CHST5: variants seen among roughly 807,000 people sequenced by gnomAD.
The protein encoded by CHST5 is GST4-alpha.
For synonymous variants in CHST5, 313 were observed against 279.2 expected, an observed-to-expected ratio of 1.12 and a Z score of -1.21; for missense variants, 637 against 602.1, an observed-to-expected ratio of 1.06 and a Z score of -0.61.
Position 75,530,583 on chromosome 16 carries a change from T to C in CHST5, c.-199A>G. The C allele has an allele frequency of 7.0e-7, 1 of 1,426,220 alleles. No homozygotes were observed. 88.3% of individuals were successfully genotyped at this position (1,426,220 alleles called of 1,614,324 possible). On this transcript the variant is annotated 5_prime_UTR_variant, in exon 4 of 4. Coordinates refer to ENST00000336257, the MANE Select transcript of CHST5 (RefSeq NM_024533.5). ...AATAATGTGGGATATCATCAAACTG[T>C]CTACCTACCCACCCACCCACCTACT...
In CHST5 at chr16:75,529,975, C is replaced by G; in HGVS notation, c.410G>C (p.Arg137Pro). The G allele has an allele frequency of 1.9e-6, 3 of 1,613,286 alleles. No individual in the cohort carries two copies. The highest frequency in any genetic ancestry group is 1.6e-4 in the Middle Eastern group (1 of 6,062). ...DVFDAYMPQS[R>P]NLSAFFNWAT... ...CCAGTTGAAAAAGGCGGACAGGTTT[C>G]GGCTCTGTGGCATGTAGGCATCAAA... Residue 137 changes from arginine to proline, a missense_variant, in exon 4 of 4, where the codon CGA becomes CCA. Physicochemically the swap from Arg to Pro is moderately radical, Grantham distance 103 (BLOSUM62 -2). Transcript: ENST00000336257.
At position 75,529,878 on chromosome 16, in the gene CHST5, G is replaced by T. The variant is rs1260176244; in HGVS notation, c.507C>A (p.Asp169Glu). 2.5e-6 allele frequency: 4 copies of T among 1,613,406 alleles called. No individual in the cohort carries two copies. The highest frequency in any genetic ancestry group is 2.5e-6 in the Non-Finnish European group (3 of 1,179,940). ...AFPRGTISKQDVCKTLCTRQP... is the reference protein window; with the variant it reads ...AFPRGTISKQEVCKTLCTRQP... ...GCCGCGTGCACAGTGTCTTGCATAC[G>T]TCCTGCTTGCTGATGGTGCCTCGGG... Residue 169 changes from aspartate (D) to glutamate (E), a missense_variant, in exon 4 of 4, where the codon GAC (aspartate) becomes GAA (glutamate). Asp to Glu is a conservative substitution (Grantham distance 45). Transcript: ENST00000336257.
In CHST5 at chr16:75,531,380, T is replaced by C; in HGVS notation, c.-996A>G. On this transcript the variant is annotated 5_prime_UTR_variant, in exon 4 of 4. Transcript: ENST00000336257. The stretch of plus-strand genomic sequence containing the variant: ...TTGTCATTAAAGATAAACAAGTAAA[T>C]AAAGTGGACAAAGAACAGCAACTGT... 9.9e-7 allele frequency: 1 copy of C among 1,011,072 alleles called. No homozygotes were observed. Among genetic ancestry groups the C allele is most frequent in the Non-Finnish European group, 1.2e-6 (1 of 836,530 alleles). The allele number at this position is 1,011,072 out of a possible 1,614,324, so 62.6% of individuals were successfully genotyped here. A position where few individuals can be genotyped will look rare whatever the true frequency, so the allele number is the denominator to read the frequency against.
Position 75,530,457 on chromosome 16 carries a change from C to T in CHST5, c.-73G>A, listed in dbSNP as rs2080509222. ...TTCGGCTACCCTACCCATTGGACTTCCCAAGACTCCCAAGGTCTCAGTCGA... is the reference window on the plus strand; with the variant it reads ...TTCGGCTACCCTACCCATTGGACTTTCCAAGACTCCCAAGGTCTCAGTCGA... On this transcript the variant is annotated 5_prime_UTR_variant, in exon 4 of 4. Transcript: ENST00000336257. 6.9e-7 allele frequency: 1 copy of T among 1,457,174 alleles called. No individual in the cohort carries two copies. The highest frequency in any genetic ancestry group is 9.1e-7 in the Non-Finnish European group (1 of 1,103,248). The allele number at this position is 1,457,174 out of a possible 1,614,324, so 90.3% of individuals were successfully genotyped here.
Position 75,531,189 on chromosome 16 carries a change from GT to G in CHST5, c.-806del, listed in dbSNP as rs1280721952. 3.8e-6 allele frequency: 2 copies of G among 530,284 alleles called. No individual in the cohort carries two copies. The highest frequency in any genetic ancestry group is 6.1e-5 in the Admixed American group (1 of 16,502). The allele number at this position is 530,284 out of a possible 1,614,324, so 32.8% of individuals were successfully genotyped here. A position where few individuals can be genotyped will look rare whatever the true frequency, so the allele number is the denominator to read the frequency against. ...TACAAAAAATTAGCCAGGCGTGATG[GT>G]GGGCGCCTGTAGTCCCAGCTACTCG... On this transcript the variant is annotated 5_prime_UTR_variant, in exon 4 of 4. Transcript: ENST00000336257.
Position 75,533,281 on chromosome 16 carries a change from C to A in CHST5, c.-1351-98G>T, listed in dbSNP as rs982245586. On this transcript the variant is annotated intron_variant, in intron 2 of 3. Coordinates refer to ENST00000336257, the MANE Select transcript of CHST5 (RefSeq NM_024533.5). ...CAGGCCCTGTGATATGCACTTTCAT[C>A]TTCATGATTGAATGTTATCCTCCCA... The A allele has an allele frequency of 5.7e-6, 4 of 700,114 alleles. No homozygotes were observed. The African/African-American group carries it at 7.0e-5, about 12-fold the overall frequency. 43.4% of individuals were successfully genotyped at this position (700,114 alleles called of 1,614,324 possible).
intron 2 of CHST5, among the ~76,000 whole-genome samples, chr16:75,534,799 G>A (rs2080549710): frequency 2.6e-5 from 4 of 152,194 alleles, no homozygotes; most frequent in African/African-American, 9.7e-5. Context: ...AACTCACCAA[G>A]CTATTTTTTC....
At position 75,531,038 on chromosome 16, in the gene CHST5, G is replaced by A; in HGVS notation, c.-654C>T. 4.0e-6 allele frequency: 4 copies of A among 1,001,064 alleles called. No homozygotes were observed. The highest frequency in any genetic ancestry group is 4.8e-6 in the Non-Finnish European group (4 of 830,754). 62.0% of individuals were successfully genotyped at this position (1,001,064 alleles called of 1,614,324 possible). Reference sequence around the variant, plus strand: ...TTTAACAGGCAGGTATAAAACTTTTGTCAGCCAGGCGCGGTGGCTCACGCC... The same window carrying A: ...TTTAACAGGCAGGTATAAAACTTTTATCAGCCAGGCGCGGTGGCTCACGCC... On this transcript the variant is annotated 5_prime_UTR_variant, in exon 4 of 4. Transcript: ENST00000336257.
At position 75,530,741 on chromosome 16, in the gene CHST5, G is replaced by A. The variant is rs575489467; in HGVS notation, c.-357C>T. Reference sequence around the variant, plus strand: ...GCTAAAAGGGCTTGATGGGGGCTTCGGTGGATGTCAGAGCACCACCAGGCT... The same window carrying A: ...GCTAAAAGGGCTTGATGGGGGCTTCAGTGGATGTCAGAGCACCACCAGGCT... On this transcript the variant is annotated 5_prime_UTR_variant, in exon 4 of 4. Coordinates refer to ENST00000336257, the MANE Select transcript of CHST5 (RefSeq NM_024533.5). 28 of 1,064,220 alleles carry A rather than the reference G, an allele frequency of 2.6e-5. No individual in the cohort carries two copies. Among genetic ancestry groups the A allele is most frequent in the Admixed American group, 1.9e-4 (4 of 20,664 alleles). 65.9% of individuals were successfully genotyped at this position (1,064,220 alleles called of 1,614,324 possible).
chr16:75,529,323 G>C lies in CHST5; in HGVS notation c.1062C>G (p.Ala354=), dbSNP rs1023754693. 3.1e-6 allele frequency: 5 copies of C among 1,613,076 alleles called. No individual in the cohort carries two copies. Among genetic ancestry groups the C allele is most frequent in the Non-Finnish European group, 4.2e-6 (5 of 1,179,910 alleles). ...TAGTGAAGGGCAACGCGTGGCGCCA[G>C]GCCTGGGAGACGTTGCGCGCATTCC... ...SSRNARNVSQ[A]WRHALPFTKI... The change falls in exon 4 of 4, where the codon GCC becomes GCG. Residue 354 remains alanine, a synonymous_variant. Transcript: ENST00000336257.
Position 75,529,815 on chromosome 16 carries a change from G to A in CHST5, c.570C>T (p.Tyr190=). Residue 190 remains tyrosine, a synonymous_variant, in exon 4 of 4, where the codon TAC becomes TAT. Transcript: ENST00000336257. The part of the protein sequence containing the change: ...FSLAREACRS[Y]SHVVLKEVRF... Reference sequence around the variant, plus strand: ...GCACCTCCTTGAGCACCACGTGGCTGTAGGAGCGGCAGGCCTCCCGGGCCA... The same window carrying A: ...GCACCTCCTTGAGCACCACGTGGCTATAGGAGCGGCAGGCCTCCCGGGCCA... The A allele has an allele frequency of 6.2e-7, 1 of 1,613,808 alleles. No individual in the cohort carries two copies. Among genetic ancestry groups the A allele is most frequent in the Non-Finnish European group, 8.5e-7 (1 of 1,179,920 alleles).
chr16:75,530,880 C>T lies in CHST5; in HGVS notation c.-496G>A. The T allele has an allele frequency of 1.0e-6, 1 of 1,002,128 alleles. No individual in the cohort carries two copies. The highest frequency in any genetic ancestry group is 1.2e-6 in the Non-Finnish European group (1 of 830,748). The allele number at this position is 1,002,128 out of a possible 1,614,324, so 62.1% of individuals were successfully genotyped here. On this transcript the variant is annotated 5_prime_UTR_variant, in exon 4 of 4. Coordinates refer to ENST00000336257, the MANE Select transcript of CHST5 (RefSeq NM_024533.5). ...ACCCGTGTGTGAAAGAGGGATAATT[C>T]CGGTACCTGGCTCACAGGATCTGGG...
rs1048488522 is a variant in CHST5 at position 75,535,369 on chromosome 16, C to G, written c.-1594G>C. ...GCATGGACGAAGAGTCGGGGGTAAC[C>G]AAGCCACTGGAAGCTCCTGGAGACT... On this transcript the variant is annotated 5_prime_UTR_variant, in exon 2 of 4. Coordinates refer to ENST00000336257, the MANE Select transcript of CHST5 (RefSeq NM_024533.5). The G allele has an allele frequency of 6.6e-6, 1 of 152,456 alleles. No individual in the cohort carries two copies. The highest frequency in any genetic ancestry group is 1.5e-5 in the Non-Finnish European group (1 of 68,370). The allele number at this position is 152,456 out of a possible 1,614,324, so 9.4% of individuals were successfully genotyped here.
At position 75,530,481 on chromosome 16, in the gene CHST5, G is replaced by A. The variant is rs971855000; in HGVS notation, c.-97C>T. On this transcript the variant is annotated 5_prime_UTR_variant, in exon 4 of 4. Coordinates refer to ENST00000336257, the MANE Select transcript of CHST5 (RefSeq NM_024533.5). Reference sequence around the variant, plus strand: ...TCCCAAGACTCCCAAGGTCTCAGTCGAGCACTTTCCCAGGAATACGGAGTC... The same window carrying A: ...TCCCAAGACTCCCAAGGTCTCAGTCAAGCACTTTCCCAGGAATACGGAGTC... 3 of 1,450,902 alleles carry A rather than the reference G, an allele frequency of 2.1e-6. No individual in the cohort carries two copies. The highest frequency in any genetic ancestry group is 1.5e-5 in the South Asian group (1 of 67,444). The allele number at this position is 1,450,902 out of a possible 1,614,324, so 89.9% of individuals were successfully genotyped here.
At position 75,529,544 on chromosome 16, in the gene CHST5, T is replaced by G. The variant is rs935999798; in HGVS notation, c.841A>C (p.Lys281Gln). The G allele has an allele frequency of 2.5e-6, 4 of 1,609,712 alleles. No homozygotes were observed. The African/African-American group carries it at 5.3e-5, about 21-fold the overall frequency. Residue 281 changes from lysine to glutamine, a missense_variant, in exon 4 of 4, where the codon AAG becomes CAG. Coordinates refer to ENST00000336257, the MANE Select transcript of CHST5 (RefSeq NM_024533.5). ...HVRIAEAATLKPPPFLRGRYR... is the reference protein window; with the variant it reads ...HVRIAEAATLQPPPFLRGRYR... The stretch of plus-strand genomic sequence containing the variant: ...CGGCCGCGCAGGAAGGGTGGCGGCT[T>G]GAGTGTGGCGGCCTCGGCGATGCGC...
Position 75,529,063 on chromosome 16 carries a change from C to A in CHST5, c.*86G>T. The A allele has an allele frequency of 7.1e-7, 1 of 1,418,326 alleles. No homozygotes were observed. The highest frequency in any genetic ancestry group is 1.4e-5 in the African/African-American group (1 of 70,018). The allele number at this position is 1,418,326 out of a possible 1,614,324, so 87.9% of individuals were successfully genotyped here. On this transcript the variant is annotated 3_prime_UTR_variant, in exon 4 of 4. Coordinates refer to ENST00000336257, the MANE Select transcript of CHST5 (RefSeq NM_024533.5). ...GGTTGATAGTAGGGACCTGCTTCCC[C>A]ATGCGCCCCAGCTCCCTCTCCACCA...
intron 2 of CHST5, among the ~76,000 whole-genome samples, chr16:75,534,158 G>A (rs1368875470): frequency 6.6e-6 from 1 of 151,850 alleles, no homozygotes; most frequent in Non-Finnish European, 1.5e-5. Context: ...AGACCAGCCT[G>A]GCCAACATGG....
In CHST5 at chr16:75,529,983, T is replaced by C; in HGVS notation, c.402A>G (p.Pro134=). ...CDMDVFDAYM[P]QSRNLSAFFN... Reference sequence around the variant, plus strand: ...AAAAGGCGGACAGGTTTCGGCTCTGTGGCATGTAGGCATCAAACACGTCCA... The same window carrying C: ...AAAAGGCGGACAGGTTTCGGCTCTGCGGCATGTAGGCATCAAACACGTCCA... The change falls in exon 4 of 4, where the codon CCA becomes CCG. Residue 134 remains proline, a synonymous_variant. Transcript: ENST00000336257. 6.2e-7 allele frequency: 1 copy of C among 1,613,280 alleles called. No homozygotes were observed. Among genetic ancestry groups the C allele is most frequent in the Non-Finnish European group, 8.5e-7 (1 of 1,179,954 alleles).
Position 75,531,510 on chromosome 16 carries a change from G to A in CHST5, c.-1126C>T, listed in dbSNP as rs2080521785. On this transcript the variant is annotated 5_prime_UTR_variant, in exon 4 of 4. Transcript: ENST00000336257. ...CAAGAAGATCAGTTGATGGGGAGCT[G>A]GGATGGAGCCCAAGAAGCAGAGAGG... The A allele has an allele frequency of 2.3e-6, 3 of 1,299,420 alleles. No individual in the cohort carries two copies. The highest frequency in any genetic ancestry group is 1.2e-5 in the South Asian group (1 of 80,610). The allele number at this position is 1,299,420 out of a possible 1,614,324, so 80.5% of individuals were successfully genotyped here.
Sources: gnomAD v4.1 joint callset for allele counts (sites outside exome capture counted in the v4.1 genomes callset) on GRCh38, gnomAD v4.1.1 for gene constraint, MANE v1.5 for transcripts, NCBI Gene and HGNC (gene_info 2026-07-23, HGNC 2026-07-21) for gene names.